The following NDUFAF6 variants were observed in gnomAD, a reference collection of about 807,000 sequenced individuals.
NDUFAF6 encodes NADH:ubiquinone oxidoreductase complex assembly factor 6, also known as NADH dehydrogenase (ubiquinone) complex I, assembly factor 6.
Under a neutral mutation model 40.8 loss-of-function variants are expected in NDUFAF6, and 45 were observed. The ratio of observed to expected loss-of-function variants is 1.10; its 90% CI spans 0.87 to 1.42. NDUFAF6 has a LOEUF of 1.42. Ranked by LOEUF, NDUFAF6 falls within the 40% of genes most tolerant of loss-of-function variation. The pLI is 0.00. For synonymous variants in NDUFAF6, 185 were observed against 155.9 expected (o/e 1.19, Z -1.39); for missense variants, 435 against 418.5 (o/e 1.04, Z -0.34).
At chr8:95,077,085 G>A (rs185069063), downstream of NDUFAF6, among the ~76,000 whole-genome samples, 90 of 152,254 alleles carry the variant, frequency 5.9e-4, no homozygotes, top group African/African-American at 2.0e-3. Flanking sequence ...GACACCTGGC[G>A]AAGATGGCCA....
At chr8:94,904,019 T>C (rs1327685262) in intron 1 of NDUFAF6, among the ~76,000 whole-genome samples, 1 of 152,180 alleles carries the variant, frequency 6.6e-6, no homozygotes, top group Non-Finnish European at 1.5e-5. Context: ...TTCCAGGCCT[T>C]CTTTCCCCTT....
intron 1 of NDUFAF6, among the ~76,000 whole-genome samples, chr8:94,965,761 T>A (rs1301040465): frequency 6.6e-6 from 1 of 152,204 alleles, no homozygotes. Flanking sequence ...GTCATTTACC[T>A]GAAGGTGAGA....
upstream of NDUFAF6, among the ~76,000 whole-genome samples, chr8:94,957,626 A>G (rs997924076): frequency 3.9e-5 from 6 of 152,254 alleles, no homozygotes; most frequent in South Asian, 2.1e-4. Flanking sequence ...GGTCTACAGC[A>G]GATGTATTGA....
chr8:94,927,912 C>CAAA (rs34997272), intron 1 of NDUFAF6: 267 of 149,190 alleles, frequency 1.8e-3, no homozygotes, highest in African/African-American at 4.8e-3. Flanking sequence ...TTTACAATAG[C>CAAA]AAAAAAAAAA....
chr8:95,082,039 G>A (rs1808886869), intron 2 of NDUFAF6, among the ~76,000 whole-genome samples: 1 of 152,204 alleles, frequency 6.6e-6, no homozygotes. Flanking sequence ...ACTCCAGCCT[G>A]GGTGACAGAG....
At chr8:95,052,564 A>G (rs971011027) in intron 8 of NDUFAF6, among the ~76,000 whole-genome samples, 1 of 152,100 alleles carries the variant, frequency 6.6e-6, no homozygotes, top group African/African-American at 2.4e-5. Context: ...AATAGGAGAA[A>G]CTACTTTGTG....
chr8:94,941,004 C>A, intron 1 of NDUFAF6: 1 of 1,283,844 alleles, frequency 7.8e-7, no homozygotes, highest in South Asian at 1.2e-5. Flanking sequence ...AAAACCTTGT[C>A]TTTAGTTGGC....
At chr8:94,911,751 C>T (rs558584521) in intron 1 of NDUFAF6, among the ~76,000 whole-genome samples, 1 of 152,326 alleles carries the variant, frequency 6.6e-6, no homozygotes, top group Admixed American at 6.5e-5. Flanking sequence ...TCAAGCTCAC[C>T]TGGATCATTT....
Position 94,932,244 on chromosome 8 carries a change from G to T in NDUFAF6, c.-935-13239G>T. 3 of 859,284 alleles carry T rather than the reference G, an allele frequency of 3.5e-6. No homozygotes were observed. The South Asian group carries it at 4.7e-5, about 14-fold the overall frequency. 53.2% of individuals were successfully genotyped at this position (859,284 alleles called of 1,614,324 possible). A position where few individuals can be genotyped will look rare whatever the true frequency, so the allele number is the denominator to read the frequency against. On this transcript the variant is annotated intron_variant, in intron 1 of 14. Transcript: ENST00000396113. Reference sequence around the variant, plus strand: ...ATTAAAGGCACGTACATGTGCTTAAGATAACATGTAAAACCTTCAAAAACA... The same window carrying T: ...ATTAAAGGCACGTACATGTGCTTAATATAACATGTAAAACCTTCAAAAACA...
At chr8:95,003,285 CAA>C (rs1826817351) in intron 2 of NDUFAF6, among the ~76,000 whole-genome samples, 1 of 152,226 alleles carries the variant, frequency 6.6e-6, no homozygotes, top group African/African-American at 2.4e-5. Context: ...TAAAATATGA[CAA>C]AGGCTCTAAT....
In NDUFAF6 at chr8:94,940,906, T is replaced by A. The variant is rs769012615; in HGVS notation, c.-935-4577T>A. On this transcript the variant is annotated intron_variant, in intron 1 of 14. Coordinates refer to the NDUFAF6 transcript ENST00000396113. ...GTTCTTGGTTGGAGGAAGAACTGACTTCACCCACAAACATTTTATTCAGCC... is the reference window on the plus strand; with the variant it reads ...GTTCTTGGTTGGAGGAAGAACTGACATCACCCACAAACATTTTATTCAGCC... 2.5e-6 allele frequency: 4 copies of A among 1,613,854 alleles called. No homozygotes were observed. The African/African-American group carries it at 5.3e-5, about 22-fold the overall frequency.
rs57749627 is a variant in NDUFAF6 at position 94,904,320 on chromosome 8, C to CTTTTTTTTTTTTTTTTTTTTTTTTT, written c.-936+8406_-936+8430dup. ...CATCACACCTGGCTAATTTTTTTTG[C>CTTTTTTTTTTTTTTTTTTTTTTTTT]TTTTTTTTTTTTTTTTTTTTTTTTT... On this transcript the variant is annotated intron_variant, in intron 1 of 14. Transcript: ENST00000396113. 5.9e-5 allele frequency among the ~76,000 whole-genome samples: 2 copies of CTTTTTTTTTTTTTTTTTTTTTTTTT among 34,134 alleles called. 1 individual carries two copies. Among genetic ancestry groups the CTTTTTTTTTTTTTTTTTTTTTTTTT allele is most frequent in the African/African-American group, 3.0e-4 (2 of 6,568 alleles). The allele number at this position is 34,134 out of a possible 152,430, so 22.4% of individuals were successfully genotyped here.
At chr8:95,080,597 CGGTAGTGTATTTT>C (rs1808810938), downstream of NDUFAF6, among the ~76,000 whole-genome samples, 2 of 23,792 alleles carry the variant, frequency 8.4e-5, no homozygotes, top group African/African-American at 4.8e-4. Context: ...TAGTGATTTT[CGGTAGTGTATTTT>C]GGTAGTGTAT....
chr8:95,053,605 C>T (rs1010647881), intron 8 of NDUFAF6, among the ~76,000 whole-genome samples: 6 of 151,828 alleles, frequency 4.0e-5, no homozygotes, highest in East Asian at 1.9e-4. Flanking sequence ...AAAAGCTTCC[C>T]GTTTTACTTT....
At chr8:95,102,098 A>G (rs1241494224) in intron 2 of NDUFAF6, among the ~76,000 whole-genome samples, 2 of 152,136 alleles carry the variant, frequency 1.3e-5, no homozygotes, top group African/African-American at 4.8e-5. Context: ...CCCGGGTTCA[A>G]GTGATTCTCC....
At chr8:95,043,278 A>G (rs2131865580) in intron 4 of NDUFAF6, among the ~76,000 whole-genome samples, 2 of 150,948 alleles carry the variant, frequency 1.3e-5, no homozygotes, top group South Asian at 4.2e-4. Flanking sequence ...TTTAGTAGAG[A>G]TGGGGTTTCA....
chr8:94,923,525 T>A (rs1428900382), intron 1 of NDUFAF6, among the ~76,000 whole-genome samples: 2 of 152,304 alleles, frequency 1.3e-5, no homozygotes, highest in East Asian at 1.9e-4. Context: ...CTGTCTTCTA[T>A]TCCAACCCTT....
chr8:94,919,741 G>A (rs1487134832), intron 1 of NDUFAF6, among the ~76,000 whole-genome samples: 1 of 152,188 alleles, frequency 6.6e-6, no homozygotes, highest in Non-Finnish European at 1.5e-5. Flanking sequence ...TCCTGCATCT[G>A]TAACATGCAG....
intron 1 of NDUFAF6, among the ~76,000 whole-genome samples, chr8:95,025,690 C>T (rs1828029066): frequency 6.6e-6 from 1 of 152,170 alleles, no homozygotes; most frequent in Admixed American, 6.5e-5. Context: ...ATAGTAAGGG[C>T]ACAGTGAGTG....
Sources: gnomAD v4.1 joint callset for allele counts (sites outside exome capture counted in the v4.1 genomes callset) on GRCh38, gnomAD v4.1.1 for gene constraint, MANE v1.5 for transcripts, NCBI Gene and HGNC (gene_info 2026-07-23, HGNC 2026-07-21) for gene names.